DMP1: variants seen among roughly 807,000 people sequenced by gnomAD.
DMP1 encodes dentin matrix acidic phosphoprotein 1, also known as dentin matrix protein 1.
In DMP1, 20 loss-of-function variants were observed where a neutral mutation model predicts 14.6. That is an observed-to-expected ratio of 1.37 (90% CI 0.96 to 1.99). The LOEUF (loss-of-function observed/expected upper bound fraction) is 1.99. Among genes scored for constraint, DMP1 ranks in the 30% most tolerant of loss-of-function variants. DMP1 has a pLI of 0.00. For synonymous variants in DMP1, 197 were observed against 215.3 expected (o/e 0.91, Z 0.75); for missense variants, 567 against 620.5 (o/e 0.91, Z 0.92).
chr4:87,656,558 G>C lies in DMP1; in HGVS notation c.54+12G>C. On this transcript the variant is annotated intron_variant, in intron 2 of 5. Coordinates refer to ENST00000339673, the MANE Select transcript of DMP1 (RefSeq NM_004407.4). ...CCTGTGCTCTCCCAGTAAGTATTAG[G>C]GTAGGGATATATGAAAAAACCCTTT... 2 of 1,583,942 alleles carry C rather than the reference G, an allele frequency of 1.3e-6. No homozygotes were observed. Among genetic ancestry groups the C allele is most frequent in the Non-Finnish European group, 1.7e-6 (2 of 1,152,718 alleles).
At chr4:87,657,212 A>G in intron 3 of DMP1, 133 bp downstream of exon 3, 1 of 603,922 alleles carries the variant, frequency 1.7e-6, no homozygotes, top group Non-Finnish European at 3.0e-6. Flanking sequence ...TATAGAGTTC[A>G]TAGAAGAAAA....
chr4:87,653,406 T>TATATATATATATA (rs1728581873), intron 1 of DMP1, among the ~76,000 whole-genome samples: 1 of 102,716 alleles, frequency 9.7e-6, no homozygotes, highest in Non-Finnish European at 2.0e-5. Flanking sequence ...TATATATATA[T>TATATATATATATA]ATATATATAT....
At chr4:87,650,799 C>A (rs1019870438) in intron 1 of DMP1, among the ~76,000 whole-genome samples, 2 of 151,786 alleles carry the variant, frequency 1.3e-5, no homozygotes, top group Admixed American at 1.3e-4. Context: ...TATTGAATGG[C>A]AGGACTTTAA....
intron 5 of DMP1, among the ~76,000 whole-genome samples, chr4:87,661,242 A>T (rs1373191219): frequency 1.9e-4 from 8 of 42,236 alleles, no homozygotes; most frequent in East Asian, 6.9e-4. Context: ...TTTTTTTTTG[A>T]GACGGAGTCT....
chr4:87,662,419 G>T lies in DMP1; in HGVS notation c.641G>T (p.Gly214Val). The T allele has an allele frequency of 6.2e-7, 1 of 1,614,198 alleles. No individual in the cohort carries two copies. The highest frequency in any genetic ancestry group is 1.1e-5 in the South Asian group (1 of 91,086). The change falls in exon 6 of 6, where the codon GGA (glycine) becomes GTA (valine). Residue 214 changes from glycine (G) to valine (V), a missense_variant. Coordinates refer to ENST00000339673, the MANE Select transcript of DMP1 (RefSeq NM_004407.4). ...HGDGSELDDEGMQSDDPESIR... is the reference protein window; with the variant it reads ...HGDGSELDDEVMQSDDPESIR... ...GACGGCTCCGAGTTGGACGATGAGGGAATGCAGAGTGATGACCCAGAGAGC... is the reference window on the plus strand; with the variant it reads ...GACGGCTCCGAGTTGGACGATGAGGTAATGCAGAGTGATGACCCAGAGAGC...
In DMP1 at chr4:87,662,930, C is replaced by T. The variant is rs896512001; in HGVS notation, c.1152C>T (p.Ser384=). Residue 384 remains serine (S), a synonymous_variant, in exon 6 of 6, where the codon AGC becomes AGT. Coordinates refer to ENST00000339673, the MANE Select transcript of DMP1 (RefSeq NM_004407.4). ...YVEDQEDSDS[S]EEDSSHTLSH... is the part of the protein sequence containing the mutation. ...AAGACCAGGAAGACAGTGACTCCAG[C>T]GAGGAGGACAGCTCGCACACACTCT... The T allele has an allele frequency of 9.9e-6, 16 of 1,613,964 alleles. No individual in the cohort carries two copies. The East Asian group carries it at 1.3e-4, about 13-fold the overall frequency.
Position 87,655,596 on chromosome 4 carries a change from C to A in DMP1, c.-21-876C>A, listed in dbSNP as rs576121610. On this transcript the variant is annotated intron_variant, in intron 1 of 5. Transcript: ENST00000339673. ...CTACTCTAGCGCATCTCTTGCAGATCACAAAAAAAGCAAAAAAAAATCTAT... is the reference window on the plus strand; with the variant it reads ...CTACTCTAGCGCATCTCTTGCAGATAACAAAAAAAGCAAAAAAAAATCTAT... Among the ~76,000 whole-genome samples, 7 of 151,588 alleles carry A rather than the reference C, an allele frequency of 4.6e-5. No homozygotes were observed. In the South Asian group the frequency reaches 1.5e-3, roughly 32 times the overall value.
chr4:87,653,392 T>TATAC (rs1414882708), intron 1 of DMP1, among the ~76,000 whole-genome samples: 6 of 42,936 alleles, frequency 1.4e-4, no homozygotes, highest in Non-Finnish European at 2.7e-4. Context: ...GAGTGATATA[T>TATAC]ATATATATAT....
intron 1 of DMP1, among the ~76,000 whole-genome samples, 156 bp from the exon 2 acceptor site, chr4:87,656,316 G>T (rs1053481509): frequency 6.6e-6 from 1 of 152,144 alleles, no homozygotes; most frequent in Non-Finnish European, 1.5e-5. Context: ...CTTTATGGTT[G>T]AATAATATTC....
chr4:87,661,275 C>T (rs1647488903), intron 5 of DMP1, among the ~76,000 whole-genome samples: 1 of 130,940 alleles, frequency 7.6e-6, no homozygotes, highest in Admixed American at 9.3e-5. Context: ...GGCTGGAGTG[C>T]AGTGGCGCAA....
In DMP1 at chr4:87,651,421, A is replaced by AT. The variant is rs1238441226; in HGVS notation, c.-22+1046dup. On this transcript the variant is annotated intron_variant, in intron 1 of 5. Coordinates refer to ENST00000339673, the MANE Select transcript of DMP1 (RefSeq NM_004407.4). ...AGACACATACAATAGGAAGAATTGG[A>AT]TTTTTTTTTGGTTTGTTTGTTTCTC... 2.0e-4 allele frequency among the ~76,000 whole-genome samples: 30 copies of AT among 151,120 alleles called. No homozygotes were observed. The East Asian group carries it at 2.9e-3, about 15-fold the overall frequency.
chr4:87,657,248 T>A, intron 3 of DMP1, 169 bp downstream of exon 3: 1 of 534,178 alleles, frequency 1.9e-6, no homozygotes, highest in Non-Finnish European at 3.4e-6. Context: ...AACTTAGTAG[T>A]ATACTCTGGC....
At position 87,662,984 on chromosome 4, in the gene DMP1, G is replaced by A. The variant is rs776222585; in HGVS notation, c.1206G>A (p.Glu402=). The A allele has an allele frequency of 5.0e-6, 8 of 1,614,088 alleles. No homozygotes were observed. In the South Asian group the frequency reaches 6.6e-5, roughly 13 times the overall value. Residue 402 remains glutamate (E), a synonymous_variant, in exon 6 of 6, where the codon GAG becomes GAA. Transcript: ENST00000339673. ...LSHSKSESRE[E]QADSESSESL... ...ACTCAAAAAGTGAATCCAGAGAGGAGCAAGCAGACAGCGAATCCAGTGAGA... is the reference window on the plus strand; with the variant it reads ...ACTCAAAAAGTGAATCCAGAGAGGAACAAGCAGACAGCGAATCCAGTGAGA...
rs1443177565 is a variant in DMP1, at chr4:87,662,001, G to T, written c.223G>T (p.Gly75Cys). 3.1e-6 allele frequency: 5 copies of T among 1,614,160 alleles called. No homozygotes were observed. In the South Asian group the frequency reaches 4.4e-5, roughly 14 times the overall value. The stretch of plus-strand genomic sequence containing the variant: ...CAGTGACAGCACTCAGTCAGAGGAG[G>T]GCCTGGGCTCTGATGATCATCAATA... Reference protein sequence around the residue: ...DPSDSTQSEEGLGSDDHQYIY... With the variant: ...DPSDSTQSEECLGSDDHQYIY... The change falls in exon 6 of 6, where the codon GGC becomes TGC. Residue 75 changes from glycine to cysteine, a missense_variant. By Grantham distance (159) the Gly-to-Cys change is radical (BLOSUM62 -3). Transcript: ENST00000339673.
intron 1 of DMP1, among the ~76,000 whole-genome samples, chr4:87,654,910 G>A (rs972033634): frequency 6.6e-5 from 10 of 152,162 alleles, no homozygotes. Flanking sequence ...TACATTGTGA[G>A]GGTGAAATTC....
At chr4:87,652,649 G>T (rs1332672104) in intron 1 of DMP1, among the ~76,000 whole-genome samples, 1 of 151,998 alleles carries the variant, frequency 6.6e-6, no homozygotes, top group Non-Finnish European at 1.5e-5. Flanking sequence ...GAGCACTTGG[G>T]GCATGCACTT....
chr4:87,653,405 A>ATATATATATATATAT (rs1560489243), intron 1 of DMP1, among the ~76,000 whole-genome samples: 2 of 102,022 alleles, frequency 2.0e-5, no homozygotes, highest in Non-Finnish European at 4.1e-5. Context: ...ATATATATAT[A>ATATATATATATATAT]TATATATATA....
chr4:87,652,413 C>T (rs952910470), intron 1 of DMP1, among the ~76,000 whole-genome samples: 13 of 152,080 alleles, frequency 8.5e-5, no homozygotes, highest in Non-Finnish European at 1.6e-4. Context: ...GCAAACCTAA[C>T]AAGGGGTTTA....
In DMP1 at chr4:87,662,403, G is replaced by T; in HGVS notation, c.625G>T (p.Glu209Ter). The T allele has an allele frequency of 6.2e-7, 1 of 1,614,158 alleles. No homozygotes were observed. The highest frequency in any genetic ancestry group is 8.5e-7 in the Non-Finnish European group (1 of 1,180,026). ...DGESSHGDGS[E>*]LDDEGMQSDD... ...GGAGAGCAGCCATGGAGACGGCTCCGAGTTGGACGATGAGGGAATGCAGAG... is the reference window on the plus strand; with the variant it reads ...GGAGAGCAGCCATGGAGACGGCTCCTAGTTGGACGATGAGGGAATGCAGAG... Residue 209 changes from glutamate (E) to a stop codon, truncating the protein, a stop_gained, in exon 6 of 6, where the codon GAG (glutamate) becomes TAG (stop). Transcript: ENST00000339673. LOFTEE classifies it low-confidence loss of function (END_TRUNC).
Sources: allele counts gnomAD v4.1 joint callset (sites outside exome capture counted in the v4.1 genomes callset), GRCh38; gene constraint gnomAD v4.1.1; transcripts MANE v1.5; gene names NCBI Gene and HGNC (gene_info 2026-07-23, HGNC 2026-07-21).